Variants in ANO4 observed in about 807,000 individuals in gnomAD.
ANO4 encodes the protein anoctamin-4.
Under a neutral mutation model 141.9 loss-of-function variants are expected in ANO4, and 69 were observed. The ratio of observed to expected loss-of-function variants is 0.49; its 90% confidence interval spans 0.40 to 0.59. ANO4 has a LOEUF of 0.59. Among genes scored for constraint, ANO4 ranks in the 20% least tolerant of loss-of-function variants. The pLI is 0.00. For missense variants in ANO4, 894 were observed against 1,162.2 expected (o/e 0.77, Z 3.36); for synonymous variants, 350 against 394.3 (o/e 0.89, Z 1.33).
At chr12:100,870,459 T>A (rs1324611621) in intron 1 of ANO4, among the ~76,000 whole-genome samples, 2 of 151,994 alleles carry the variant, frequency 1.3e-5, no homozygotes, top group African/African-American at 4.8e-5. Flanking sequence ...GTTTTCATTA[T>A]TTTTTTTTAC....
intron 14 of ANO4, among the ~76,000 whole-genome samples, chr12:101,052,431 G>A (rs544871823): frequency 3.9e-5 from 6 of 152,236 alleles, no homozygotes; most frequent in South Asian, 2.1e-4. Context: ...GAGACCTGTC[G>A]GGGAAACAGA....
rs1298526363 is a variant in ANO4 at position 101,097,638 on chromosome 12, CTG to C, written c.1851-7_1851-6del. The C allele has an allele frequency of 1.2e-6, 2 of 1,613,200 alleles. No homozygotes were observed. Among genetic ancestry groups the C allele is most frequent in the African/African-American group, 1.3e-5 (1 of 74,886 alleles). ...TAGAGCACTAATGGCTTGTTTTTCT[CTG>C]TGTGTTGAAGATTTACAGGACACCC... is the stretch of plus-strand genomic sequence containing the variant. On this transcript the variant is annotated splice_polypyrimidine_tract_variant and intron_variant, in intron 19 of 27. Transcript: ENST00000392977.
intron 9 of ANO4, among the ~76,000 whole-genome samples, chr12:101,026,550 T>C (rs948705873): frequency 2.6e-5 from 4 of 152,046 alleles, no homozygotes; most frequent in African/African-American, 9.7e-5. Flanking sequence ...CAAAAATTCA[T>C]AGGGAAATGA....
chr12:101,127,268 C>T (rs1233673776), intron 27 of ANO4, among the ~76,000 whole-genome samples, 194 bp downstream of exon 27: 2 of 152,210 alleles, frequency 1.3e-5, no homozygotes, highest in Non-Finnish European at 2.9e-5. Flanking sequence ...CTCCCACATA[C>T]CTTCTGCAAC....
At chr12:100,792,388 A>G (rs2034076231), upstream of ANO4, among the ~76,000 whole-genome samples, 1 of 152,218 alleles carries the variant, frequency 6.6e-6, no homozygotes, top group African/African-American at 2.4e-5. Flanking sequence ...TCAAATGGCC[A>G]TCGATCCAAC....
chr12:100,768,508 C>T (rs2033176866), intron 3 of ANO4, among the ~76,000 whole-genome samples: 1 of 152,216 alleles, frequency 6.6e-6, no homozygotes. Flanking sequence ...GAACATCATT[C>T]TACCATACTG....
rs754566807 is a variant in ANO4, at chr12:101,019,995, GATTA to G, written c.735-35_735-32del. 12 of 1,522,636 alleles carry G rather than the reference GATTA, an allele frequency of 7.9e-6. No individual in the cohort carries two copies. In the Admixed American group the frequency reaches 1.2e-4, roughly 15 times the overall value. The allele number at this position is 1,522,636 out of a possible 1,614,324, so 94.3% of individuals were successfully genotyped here. A position where few individuals can be genotyped will look rare whatever the true frequency, so the allele number is the denominator to read the frequency against. ...AACAAAAATTAGATCCTTCACCTCC[GATTA>G]ATTCTCAACTTGTATTTTTAATATA... On this transcript the variant is annotated intron_variant, in intron 8 of 27. Coordinates refer to ENST00000392977, the MANE Select transcript of ANO4 (RefSeq NM_001286615.2).
intron 14 of ANO4, among the ~76,000 whole-genome samples, chr12:101,064,734 T>A (rs979991589): frequency 1.5e-4 from 23 of 151,758 alleles, no homozygotes; most frequent in African/African-American, 5.6e-4. Context: ...AGTTTTGCTT[T>A]CCACAGTTTC....
intron 3 of ANO4, among the ~76,000 whole-genome samples, chr12:100,777,042 G>A (rs2033534514): frequency 6.6e-6 from 1 of 151,448 alleles, no homozygotes; most frequent in South Asian, 2.1e-4. Flanking sequence ...TAAGGAAGAT[G>A]AAGAAAAGCA....
At chr12:100,852,946 C>A (rs181828219) in intron 1 of ANO4, among the ~76,000 whole-genome samples, 17 of 152,214 alleles carry the variant, frequency 1.1e-4, no homozygotes, top group African/African-American at 3.4e-4. Flanking sequence ...TGTTTTATGG[C>A]GCCAGAGGTA....
rs2038508269 is a variant in ANO4 at position 100,862,068 on chromosome 12, A to T, written c.-140-39578A>T. 2.6e-5 allele frequency among the ~76,000 whole-genome samples: 4 copies of T among 152,198 alleles called. No individual in the cohort carries two copies. The South Asian group carries it at 8.3e-4, about 32-fold the overall frequency. ...TGAAGCTGCTTTCTAGTTAACTTTTAAATTTAATTTAATTTTAATTTTTAA... is the reference window on the plus strand; with the variant it reads ...TGAAGCTGCTTTCTAGTTAACTTTTTAATTTAATTTAATTTTAATTTTTAA... On this transcript the variant is annotated intron_variant, in intron 1 of 27. Transcript: ENST00000392977.
chr12:100,831,000 A>G (rs185428079), intron 1 of ANO4, among the ~76,000 whole-genome samples: 2 of 152,206 alleles, frequency 1.3e-5, no homozygotes, highest in East Asian at 1.9e-4. Context: ...GTAAAAATCT[A>G]TTTCTGCCTC....
At chr12:100,814,552 C>T (rs140174514) in intron 1 of ANO4, among the ~76,000 whole-genome samples, 4 of 152,228 alleles carry the variant, frequency 2.6e-5, no homozygotes, top group African/African-American at 9.6e-5. Context: ...TGATGTTCTT[C>T]TAGTCCTTAT....
At chr12:101,038,928 A>C (rs904837274) in intron 10 of ANO4, 2 of 151,994 alleles carry the variant, frequency 1.3e-5, no homozygotes, top group African/African-American at 2.4e-5. Flanking sequence ...TAAATAAATA[A>C]ATAAATAAGA....
chr12:100,815,085 G>A (rs74531692), intron 1 of ANO4, among the ~76,000 whole-genome samples: 9,929 of 152,136 alleles, frequency 0.065, 493 homozygotes, highest in East Asian at 0.21. Flanking sequence ...GAGGGCATGA[G>A]CAAGTGCATA....
At chr12:101,091,645 T>C (rs2136926342) in intron 17 of ANO4, among the ~76,000 whole-genome samples, 1 of 152,318 alleles carries the variant, frequency 6.6e-6, no homozygotes, top group East Asian at 1.9e-4. Context: ...TTTCAACTAC[T>C]TAACATATTG....
rs991973372 is a variant in ANO4 at position 100,736,500 on chromosome 12, T to C, written c.106+2643T>C. 3.3e-5 allele frequency among the ~76,000 whole-genome samples: 5 copies of C among 152,212 alleles called. No individual in the cohort carries two copies. The South Asian group carries it at 1.0e-3, about 32-fold the overall frequency. On this transcript the variant is annotated intron_variant, in intron 2 of 29. Transcript: ENST00000644049. ...ATTGGGCTCCTATTGGATGACACTC[T>C]TGTTACCTGACATCTTGCAGACTTG...
At chr12:100,952,443 C>G (rs2043009095) in intron 5 of ANO4, among the ~76,000 whole-genome samples, 1 of 152,130 alleles carries the variant, frequency 6.6e-6, no homozygotes, top group Non-Finnish European at 1.5e-5. Context: ...ATTGATGGTA[C>G]TGATAAAGAA....
At chr12:101,044,870 G>C (rs959974338) in intron 13 of ANO4, among the ~76,000 whole-genome samples, 3 of 152,188 alleles carry the variant, frequency 2.0e-5, no homozygotes, top group African/African-American at 7.2e-5. Context: ...GTGACTTTAG[G>C]ACATAGAGAT....
Sources: allele counts gnomAD v4.1 joint callset (sites outside exome capture counted in the v4.1 genomes callset), GRCh38; gene constraint gnomAD v4.1.1; transcripts MANE v1.5; gene names NCBI Gene and HGNC (gene_info 2026-07-23, HGNC 2026-07-21).